Variants in THADA observed in about 807,000 individuals in gnomAD.
THADA encodes THADA armadillo repeat containing.
THADA carries 213 observed loss-of-function variants against 219.8 expected under a neutral mutation model. The ratio of observed to expected loss-of-function variants is 0.97; its 90% CI spans 0.87 to 1.09. The LOEUF is 1.09. THADA is among the 50% of genes least tolerant of loss of function. The pLI, the probability that THADA is intolerant of heterozygous loss-of-function variation, is 0.00. For synonymous variants in THADA, 1,018 were observed against 828.9 expected (o/e 1.23, Z -3.92); for missense variants, 2,956 against 2,311.3 (o/e 1.28, Z -5.72).
At chr2:43,381,522 G>C (rs1672026705) in intron 29 of THADA, among the ~76,000 whole-genome samples, 2 of 151,828 alleles carry the variant, frequency 1.3e-5, no homozygotes, top group South Asian at 4.2e-4. Flanking sequence ...CTATAGTGGA[G>C]AAACCTGGCA....
intron 28 of THADA, among the ~76,000 whole-genome samples, chr2:43,400,474 T>TATATATATATATATATATATAA (rs1558700122): frequency 6.9e-6 from 1 of 144,568 alleles, no homozygotes; most frequent in African/African-American, 2.5e-5. Context: ...TATATATATA[T>TATATATATATATATATATATAA]ATAAATATAT....
chr2:43,280,637 C>T (rs1253378310), intron 35 of THADA, among the ~76,000 whole-genome samples: 3 of 151,578 alleles, frequency 2.0e-5, no homozygotes, highest in Non-Finnish European at 4.4e-5. Context: ...TCCTCGCTCC[C>T]GACCAAAAAA....
intron 29 of THADA, among the ~76,000 whole-genome samples, chr2:43,367,870 G>A (rs1244581086): frequency 6.6e-6 from 1 of 152,154 alleles, no homozygotes; most frequent in Non-Finnish European, 1.5e-5. Context: ...TGTAATCCCA[G>A]CACTTCGGGA....
intron 31 of THADA, among the ~76,000 whole-genome samples, chr2:43,303,239 G>A (rs548230392): frequency 6.6e-6 from 1 of 152,298 alleles, no homozygotes; most frequent in East Asian, 1.9e-4. Context: ...AATATCAGAT[G>A]TGTTATCTTA....
At chr2:43,581,645 A>T in intron 8 of THADA, 96 bp downstream of exon 8, 1 of 1,066,976 alleles carries the variant, frequency 9.4e-7, no homozygotes, top group Non-Finnish European at 1.4e-6. Context: ...CATCTCAGTT[A>T]AGTATCACAT....
At chr2:43,389,846 G>T (rs1673135511) in intron 29 of THADA, among the ~76,000 whole-genome samples, 1 of 150,896 alleles carries the variant, frequency 6.6e-6, no homozygotes, top group African/African-American at 2.4e-5. Context: ...TCAGATGTGT[G>T]ATCTCGGCCA....
chr2:43,515,368 TATATAATATATA>T (rs1252480271), intron 22 of THADA, among the ~76,000 whole-genome samples: 1 of 87,424 alleles, frequency 1.1e-5, no homozygotes, highest in Non-Finnish European at 2.1e-5. Flanking sequence ...TAATATATAA[TATATAATATATA>T]ATATTTTATA....
chr2:43,369,253 C>G (rs1451044550), intron 29 of THADA, among the ~76,000 whole-genome samples: 1 of 152,190 alleles, frequency 6.6e-6, no homozygotes, highest in Non-Finnish European at 1.5e-5. Flanking sequence ...CAAATGTGTC[C>G]TCCTTACTCA....
At chr2:43,493,737 G>C (rs1266948737) in intron 25 of THADA, among the ~76,000 whole-genome samples, 2 of 152,046 alleles carry the variant, frequency 1.3e-5, no homozygotes, top group Non-Finnish European at 2.9e-5. Context: ...TGTTAACTTA[G>C]ATTGTTAACT....
At chr2:43,277,815 A>C (rs960434307) in intron 36 of THADA, among the ~76,000 whole-genome samples, 2 of 152,240 alleles carry the variant, frequency 1.3e-5, no homozygotes, top group Admixed American at 1.3e-4. Context: ...GTCAAGATTC[A>C]ATCGTAATTA....
intron 22 of THADA, among the ~76,000 whole-genome samples, chr2:43,526,559 T>C (rs1024099787): frequency 1.3e-5 from 2 of 152,192 alleles, no homozygotes; most frequent in Non-Finnish European, 2.9e-5. Context: ...CTGCTATTCC[T>C]ATATGTTTTA....
At chr2:43,390,689 C>T (rs1355022130) in intron 29 of THADA, among the ~76,000 whole-genome samples, 2 of 152,114 alleles carry the variant, frequency 1.3e-5, no homozygotes, top group African/African-American at 4.8e-5. Context: ...ATTTCTTGAA[C>T]ATTTCTTACT....
intron 36 of THADA, among the ~76,000 whole-genome samples, chr2:43,256,308 G>T (rs928859942): frequency 6.6e-6 from 1 of 152,026 alleles, no homozygotes; most frequent in East Asian, 1.9e-4. Flanking sequence ...ACAGGAGTTT[G>T]AGACCAGCCT....
At chr2:43,320,369 GCAGAGC>G in intron 31 of THADA, 71 bp downstream of exon 31, 1 of 1,042,082 alleles carries the variant, frequency 9.6e-7, no homozygotes, top group Non-Finnish European at 1.5e-6. Flanking sequence ...GCAGTGTGTG[GCAGAGC>G]CACTCAAAAC....
At chr2:43,457,183 C>T (rs934039917) in intron 26 of THADA, among the ~76,000 whole-genome samples, 15 of 120,648 alleles carry the variant, frequency 1.2e-4, no homozygotes, top group Non-Finnish European at 9.2e-5. Flanking sequence ...CACACACACA[C>T]ATGCACAGTG....
chr2:43,393,312 T>C (rs749847646), intron 29 of THADA, among the ~76,000 whole-genome samples: 2 of 152,362 alleles, frequency 1.3e-5, no homozygotes, highest in South Asian at 2.1e-4. Flanking sequence ...AGTATATCTT[T>C]AGATGGATCC....
chr2:43,237,187 C>T (rs1346786702), intron 36 of THADA, among the ~76,000 whole-genome samples: 2 of 151,724 alleles, frequency 1.3e-5, no homozygotes, highest in Non-Finnish European at 2.9e-5. Context: ...ACTGAGAGTC[C>T]AGAAACACAC....
intron 28 of THADA, among the ~76,000 whole-genome samples, chr2:43,410,080 G>A (rs1676092419): frequency 6.6e-6 from 1 of 151,730 alleles, no homozygotes; most frequent in African/African-American, 2.4e-5. Flanking sequence ...AGAAAAATTG[G>A]GTCAAAGCTT....
chr2:43,272,505 A>G lies in THADA; in HGVS notation c.5296+7260T>C, dbSNP rs146549887. 3.5e-3 allele frequency among the ~76,000 whole-genome samples: 528 copies of G among 152,268 alleles called. 1 individual carries two copies. The highest frequency in any genetic ancestry group is 0.01 in the Middle Eastern group (3 of 294). On this transcript the variant is annotated intron_variant, in intron 36 of 37. Transcript: ENST00000405975. ...GAATGAATGAACAAGTGAATGATTG[A>G]ATACCCTTGATCTGACCACTTCTCA... is the stretch of plus-strand genomic sequence containing the variant.
Sources: gnomAD v4.1 joint callset for allele counts (sites outside exome capture counted in the v4.1 genomes callset) on GRCh38, gnomAD v4.1.1 for gene constraint, MANE v1.5 for transcripts, NCBI Gene and HGNC (gene_info 2026-07-23, HGNC 2026-07-21) for gene names.